GRM5: variants seen among roughly 807,000 people sequenced by gnomAD.
The protein encoded by GRM5 is glutamate metabotropic receptor 5.
Under a neutral mutation model 83.1 loss-of-function variants are expected in GRM5, and 19 were observed. The observed-to-expected ratio is 0.23, with a 90% confidence interval of 0.16 to 0.34. GRM5 has a LOEUF of 0.34. Ranked by LOEUF, GRM5 falls within the 10% of genes least tolerant of loss-of-function variation. The probability of loss-of-function intolerance (pLI) is 1.00; values close to 1 mark genes in which losing one functional copy is unlikely to be tolerated. For missense variants in GRM5, 1,160 were observed against 1,588.3 expected, an observed-to-expected ratio of 0.73 and a Z score of 4.58; for synonymous variants, 675 against 633.6, an observed-to-expected ratio of 1.07 and a Z score of -0.98.
At chr11:88,737,317 G>T (rs1941936898) in intron 3 of GRM5, among the ~76,000 whole-genome samples, 1 of 152,036 alleles carries the variant, frequency 6.6e-6, no homozygotes, top group Non-Finnish European at 1.5e-5. Flanking sequence ...TGCATGTGTA[G>T]CCTCTACAGC....
At chr11:88,637,747 T>C (rs370091214) in intron 4 of GRM5, among the ~76,000 whole-genome samples, 51 of 148,710 alleles carry the variant, frequency 3.4e-4, no homozygotes, top group African/African-American at 5.8e-4. Context: ...GTCAGTGTGG[T>C]GATTCCTCAG....
rs2135070439 is a variant in GRM5, at chr11:88,508,522, G to A, written c.*70C>T. The A allele has an allele frequency of 7.7e-7, 1 of 1,295,492 alleles. No homozygotes were observed. The highest frequency in any genetic ancestry group is 2.6e-5 in the East Asian group (1 of 38,426). 80.2% of individuals were successfully genotyped at this position (1,295,492 alleles called of 1,614,324 possible). Reference sequence around the variant, plus strand: ...GGGCCGTAACCAGGCGACTATGCTTGCCATTGTGTGTGTGTGAACACGGGG... The same window carrying A: ...GGGCCGTAACCAGGCGACTATGCTTACCATTGTGTGTGTGTGAACACGGGG... On this transcript the variant is annotated 3_prime_UTR_variant, in exon 10 of 10. Transcript: ENST00000305447. The surrounding 1 kb of genome is among the most constrained non-coding windows in gnomAD (Gnocchi z 4.2).
chr11:88,681,366 T>G (rs1301732050), intron 3 of GRM5, among the ~76,000 whole-genome samples: 1 of 151,986 alleles, frequency 6.6e-6, no homozygotes, highest in African/African-American at 2.4e-5. Flanking sequence ...CTTTGTTAAA[T>G]GCTAACATTC....
intron 1 of GRM5, among the ~76,000 whole-genome samples, chr11:89,051,283 G>A (rs1941755533): frequency 6.6e-6 from 1 of 150,702 alleles, no homozygotes; most frequent in Non-Finnish European, 1.5e-5. Context: ...ATATACAGAA[G>A]AATGAAATAA....
Position 88,567,218 on chromosome 11 carries a change from A to G in GRM5, c.2465T>C (p.Val822Ala). Residue 822 changes from valine (V) to alanine (A), a missense_variant, in exon 8 of 10, where the codon GTG (valine) becomes GCG (alanine). Val to Ala is a moderately conservative substitution (Grantham distance 64). Around this residue, in one of 9 missense-constraint regions of GRM5, gnomAD observed 66 missense variants for 138.6 expected, o/e 0.48. Transcript: ENST00000305447. This position sits in a 1 kb window ranked among gnomAD's most constrained non-coding sequence, Gnocchi z 7.3. The part of the protein sequence containing the change: ...VALGCMFVPK[V>A]YIILAKPERN... Reference sequence around the variant, plus strand: ...CTCTGGTTTGGCCAGGATGATGTACACCTTCGGCACAAACATGCAGCCTAG... The same window carrying G: ...CTCTGGTTTGGCCAGGATGATGTACGCCTTCGGCACAAACATGCAGCCTAG... The G allele has an allele frequency of 6.2e-7, 1 of 1,614,114 alleles. No homozygotes were observed.
At chr11:88,774,947 A>C (rs1417358436) in intron 3 of GRM5, among the ~76,000 whole-genome samples, 1 of 152,186 alleles carries the variant, frequency 6.6e-6, no homozygotes, top group Non-Finnish European at 1.5e-5. Context: ...TATCAGGATG[A>C]TGCTGGCCTC....
At chr11:88,560,073 G>A (rs1296701217) in intron 8 of GRM5, among the ~76,000 whole-genome samples, 3 of 152,082 alleles carry the variant, frequency 2.0e-5, no homozygotes, top group African/African-American at 2.4e-5. Flanking sequence ...CAAGGAAATT[G>A]TATAAGGATC....
At chr11:88,783,136 T>C (rs1943004533) in intron 3 of GRM5, among the ~76,000 whole-genome samples, 2 of 152,168 alleles carry the variant, frequency 1.3e-5, no homozygotes, top group Non-Finnish European at 2.9e-5. Flanking sequence ...TGTTTGTGTC[T>C]ACACTTTTAA....
At chr11:88,774,282 T>A (rs1055806535) in intron 3 of GRM5, among the ~76,000 whole-genome samples, 2 of 152,054 alleles carry the variant, frequency 1.3e-5, no homozygotes, top group African/African-American at 2.4e-5. Flanking sequence ...AATGCTGTGA[T>A]TTTTGCACAT....
intron 3 of GRM5, among the ~76,000 whole-genome samples, chr11:88,802,880 A>T (rs1031844062): frequency 1.3e-5 from 2 of 151,684 alleles, no homozygotes; most frequent in Non-Finnish European, 2.9e-5. Flanking sequence ...AAGCATTCTT[A>T]TACACCAATA....
chr11:88,872,917 G>T (rs1186758604), intron 2 of GRM5, among the ~76,000 whole-genome samples: 1 of 141,486 alleles, frequency 7.1e-6, no homozygotes, highest in Non-Finnish European at 1.5e-5. Flanking sequence ...AAACAGAAAG[G>T]CTGAATGAAT....
chr11:88,832,309 G>A (rs922592872), intron 3 of GRM5, among the ~76,000 whole-genome samples: 11 of 152,052 alleles, frequency 7.2e-5, no homozygotes, highest in African/African-American at 1.4e-4. Context: ...AATACCAGTA[G>A]TATTTCTATA....
intron 1 of GRM5, among the ~76,000 whole-genome samples, chr11:89,056,408 AT>A (rs1941875930): frequency 6.6e-6 from 1 of 152,158 alleles, no homozygotes. Context: ...AGATTCATTC[AT>A]TATTTTAACA....
intron 3 of GRM5, among the ~76,000 whole-genome samples, chr11:88,733,451 G>A (rs192719060): frequency 7.7e-4 from 117 of 152,080 alleles, no homozygotes; most frequent in Non-Finnish European, 1.5e-3. Context: ...TGCATTGTGA[G>A]GGATGGAACC....
intron 8 of GRM5, among the ~76,000 whole-genome samples, chr11:88,556,904 GA>G (rs1175044205): frequency 2.0e-5 from 3 of 151,548 alleles, no homozygotes; most frequent in Admixed American, 2.0e-4. Flanking sequence ...ACCAAAAAAA[GA>G]AAAAAAATGT....
intron 9 of GRM5, 141 bp from the exon 10 acceptor site, chr11:88,509,645 A>G (rs1941308484): frequency 3.2e-6 from 2 of 626,692 alleles, no homozygotes; most frequent in Non-Finnish European, 5.5e-6. Context: ...CATCAAAAGG[A>G]CATCATGGAA....
chr11:88,959,344 A>G (rs1163865870), intron 2 of GRM5, among the ~76,000 whole-genome samples: 2 of 152,062 alleles, frequency 1.3e-5, no homozygotes, highest in Non-Finnish European at 2.9e-5. Context: ...TCAGAGACAG[A>G]TATGTCTAAG....
chr11:88,660,322 G>T (rs1324268004), intron 3 of GRM5, among the ~76,000 whole-genome samples: 1 of 152,036 alleles, frequency 6.6e-6, no homozygotes, highest in Non-Finnish European at 1.5e-5. Flanking sequence ...TAGTATTCTG[G>T]ATATTTCCAA....
intron 3 of GRM5, among the ~76,000 whole-genome samples, chr11:88,685,974 C>T (rs938474666): frequency 1.3e-5 from 2 of 152,178 alleles, no homozygotes; most frequent in African/African-American, 4.8e-5. Context: ...AGAATCCTGA[C>T]TGGGGCACCA....
Sources: gnomAD v4.1 joint callset for allele counts (sites outside exome capture counted in the v4.1 genomes callset) on GRCh38, gnomAD v4.1.1 for gene constraint, gnomAD v4.1.1 regional missense constraint, Gnocchi (gnomAD v3.1) non-coding constraint, MANE v1.5 for transcripts, NCBI Gene and HGNC (gene_info 2026-07-23, HGNC 2026-07-21) for gene names.